The following RILPL1 variants were observed in gnomAD, a reference collection of about 807,000 sequenced individuals.
The protein encoded by RILPL1 is Rab interacting lysosomal protein like 1, also known as RILP-like protein 1.
In RILPL1, 33 loss-of-function variants were observed where a neutral mutation model predicts 50.3. The ratio of observed to expected loss-of-function variants is 0.66; its 90% CI spans 0.50 to 0.88. The LOEUF (loss-of-function observed/expected upper bound fraction) is 0.88. Among genes scored for constraint, RILPL1 ranks in the 40% least tolerant of loss-of-function variants. The pLI is 0.00. For synonymous variants in RILPL1, 205 were observed against 228.6 expected (o/e 0.90, Z 0.93); for missense variants, 418 against 542.5 (o/e 0.77, Z 2.28).
rs1213240495 is a variant in RILPL1, at chr12:123,523,602, T to C, written c.353A>G (p.Asp118Gly). ...CAGCTGGGCGATCTGGGAGAGGAGG[T>C]CCTGCGCCTCCCCTCGCCACACATC... ...VEDVWRGEAQ[D>G]LLSQIAQLQE... is the part of the protein sequence containing the mutation. The change falls in exon 2 of 7, where the codon GAC becomes GGC. Residue 118 changes from aspartate to glycine, a missense_variant. Coordinates refer to ENST00000376874, the MANE Select transcript of RILPL1 (RefSeq NM_178314.5). The C allele has an allele frequency of 1.9e-6, 3 of 1,613,522 alleles. No homozygotes were observed. The highest frequency in any genetic ancestry group is 2.5e-6 in the Non-Finnish European group (3 of 1,179,758).
chr12:123,498,466 CAAGGCAACCCTGCCTGCCTT>C lies in RILPL1; in HGVS notation c.801+58_801+77del, dbSNP rs1883168786. Reference sequence around the variant, plus strand: ...ATTTTCTGAAGTATAATGGGGAAAACAAGGCAACCCTGCCTGCCTTAAGCCAACCCCCAGACTGACCCTCT... The same window carrying C: ...ATTTTCTGAAGTATAATGGGGAAAACAAGCCAACCCCCAGACTGACCCTCT... On this transcript the variant is annotated intron_variant, in intron 4 of 6. Transcript: ENST00000376874. The surrounding 1 kb of genome is among the most constrained non-coding windows in gnomAD (Gnocchi z 4.3). 1 of 1,328,768 alleles carries C rather than the reference CAAGGCAACCCTGCCTGCCTT, an allele frequency of 7.5e-7. No homozygotes were observed. Among genetic ancestry groups the C allele is most frequent in the Non-Finnish European group, 1.1e-6 (1 of 938,598 alleles). 82.3% of individuals were successfully genotyped at this position (1,328,768 alleles called of 1,614,324 possible). A position where few individuals can be genotyped will look rare whatever the true frequency, so the allele number is the denominator to read the frequency against.
At chr12:123,481,331 C>A (rs1338975974) in intron 6 of RILPL1, among the ~76,000 whole-genome samples, 7 of 150,790 alleles carry the variant, frequency 4.6e-5, no homozygotes, top group African/African-American at 1.7e-4. Context: ...TGCACTCCAG[C>A]CTCGGCAATG....
chr12:123,476,729 G>A (rs909458531), intron 6 of RILPL1, among the ~76,000 whole-genome samples: 10 of 152,134 alleles, frequency 6.6e-5, no homozygotes, highest in Admixed American at 3.3e-4. Flanking sequence ...CGCCTTTATC[G>A]TGGCCTTCTG....
chr12:123,482,065 G>T (rs1385684536), intron 6 of RILPL1, among the ~76,000 whole-genome samples: 1 of 151,582 alleles, frequency 6.6e-6, no homozygotes, highest in African/African-American at 2.4e-5. Flanking sequence ...GTAGAAATGA[G>T]GTTTCACCAT....
At position 123,533,273 on chromosome 12, in the gene RILPL1, G is replaced by A; in HGVS notation, c.210C>T (p.Arg70=). 6.3e-7 allele frequency: 1 copy of A among 1,588,366 alleles called. No homozygotes were observed. The highest frequency in any genetic ancestry group is 8.5e-7 in the Non-Finnish European group (1 of 1,173,012). ...VLEILEVLVS[R]HHVAPELDEL... is the part of the protein sequence containing the mutation. The stretch of plus-strand genomic sequence containing the variant: ...CGTCCAGCTCGGGCGCGACGTGGTG[G>A]CGGCTGACCAGCACCTCCAGGATCT... The change falls in exon 1 of 7, where the codon CGC becomes CGT. Residue 70 remains arginine, a synonymous_variant. Transcript: ENST00000376874. The surrounding 1 kb of genome is among the most constrained non-coding windows in gnomAD (Gnocchi z 6.2).
intron 6 of RILPL1, among the ~76,000 whole-genome samples, chr12:123,481,966 G>C (rs572184796): frequency 6.6e-6 from 1 of 151,162 alleles, no homozygotes; most frequent in South Asian, 2.1e-4. Flanking sequence ...TCTGCCTCCC[G>C]GGTTCAAGCA....
At chr12:123,519,207 C>T (rs896321687) in intron 2 of RILPL1, among the ~76,000 whole-genome samples, 4 of 151,916 alleles carry the variant, frequency 2.6e-5, no homozygotes, top group African/African-American at 9.7e-5. Context: ...GGTCAGTTTT[C>T]CTCTTCCCCT....
At chr12:123,486,639 C>A (rs1454349302) in intron 4 of RILPL1, among the ~76,000 whole-genome samples, 6 of 152,132 alleles carry the variant, frequency 3.9e-5, no homozygotes, top group Non-Finnish European at 8.8e-5. Flanking sequence ...AAAACCCATA[C>A]TTATTATTTT....
intron 1 of RILPL1, among the ~76,000 whole-genome samples, chr12:123,528,130 G>A (rs889466961): frequency 2.6e-5 from 4 of 152,134 alleles, no homozygotes; most frequent in African/African-American, 9.7e-5. Context: ...ACTTTGGGAG[G>A]CTGAGGCAGG....
At chr12:123,490,772 C>CA (rs1170626043) in intron 4 of RILPL1, among the ~76,000 whole-genome samples, 5 of 132,078 alleles carry the variant, frequency 3.8e-5, no homozygotes, top group Non-Finnish European at 7.9e-5. Context: ...TTTTTTGAGA[C>CA]AGAGTTTTGC....
At chr12:123,490,057 C>T (rs908382194) in intron 4 of RILPL1, among the ~76,000 whole-genome samples, 3 of 152,098 alleles carry the variant, frequency 2.0e-5, no homozygotes, top group Admixed American at 6.5e-5. Flanking sequence ...TCTCCTTCTC[C>T]TGCCTGGACC....
chr12:123,499,763 C>G (rs1272011672), intron 2 of RILPL1, among the ~76,000 whole-genome samples: 1 of 152,018 alleles, frequency 6.6e-6, no homozygotes, highest in African/African-American at 2.4e-5. Flanking sequence ...CCTTGCCCAT[C>G]AGTCCCTTCC....
chr12:123,517,881 TGTA>T (rs1277611618), intron 2 of RILPL1, among the ~76,000 whole-genome samples: 7 of 152,182 alleles, frequency 4.6e-5, no homozygotes, highest in African/African-American at 1.7e-4. Context: ...CACAATGGAA[TGTA>T]CTCAGCCTTA....
At chr12:123,506,633 C>T (rs1030285481) in intron 2 of RILPL1, among the ~76,000 whole-genome samples, 2 of 152,218 alleles carry the variant, frequency 1.3e-5, no homozygotes, top group Non-Finnish European at 2.9e-5. Flanking sequence ...AGCTGAGCTC[C>T]ACCACCTGCT....
At chr12:123,504,936 C>G (rs1214012426) in intron 2 of RILPL1, among the ~76,000 whole-genome samples, 2 of 152,218 alleles carry the variant, frequency 1.3e-5, no homozygotes, top group Non-Finnish European at 1.5e-5. Flanking sequence ...GGGGCAGACT[C>G]TAGTCCCCAC....
intron 2 of RILPL1, among the ~76,000 whole-genome samples, chr12:123,505,123 C>T (rs1234401189): frequency 1.3e-5 from 2 of 152,220 alleles, no homozygotes; most frequent in Admixed American, 6.5e-5. Flanking sequence ...TTACTGCAAC[C>T]TCTACCTCCT....
intron 6 of RILPL1, chr12:123,475,575 G>T (rs1487759149): frequency 1.2e-6 from 1 of 830,220 alleles, no homozygotes. Context: ...TAAGTGGCCA[G>T]GGGGAGACAG....
intron 4 of RILPL1, among the ~76,000 whole-genome samples, chr12:123,490,643 G>A (rs1245498025): frequency 1.3e-5 from 2 of 151,670 alleles, no homozygotes; most frequent in African/African-American, 4.8e-5. Flanking sequence ...TCACTTTGTT[G>A]CCCAGGCTGG....
chr12:123,533,484 G>A lies in RILPL1; in HGVS notation c.-2C>T. 2.0e-6 allele frequency: 3 copies of A among 1,521,660 alleles called. No individual in the cohort carries two copies. The South Asian group carries it at 3.6e-5, about 18-fold the overall frequency. 94.3% of individuals were successfully genotyped at this position (1,521,660 alleles called of 1,614,324 possible). On this transcript the variant is annotated 5_prime_UTR_variant, in exon 1 of 7. Coordinates refer to ENST00000376874, the MANE Select transcript of RILPL1 (RefSeq NM_178314.5). The surrounding 1 kb of genome is among the most constrained non-coding windows in gnomAD (Gnocchi z 6.2). ...CGCCGACCCCCGCTCCTCCTCCATG[G>A]CCACCCTCCTGGCCTGTCCCCCGCC...
Sources: gnomAD v4.1 joint callset for allele counts (sites outside exome capture counted in the v4.1 genomes callset) on GRCh38, gnomAD v4.1.1 for gene constraint, Gnocchi (gnomAD v3.1) non-coding constraint, MANE v1.5 for transcripts, NCBI Gene and HGNC (gene_info 2026-07-23, HGNC 2026-07-21) for gene names.